Variants in TRPS1 observed in about 807,000 individuals in gnomAD.
TRPS1 encodes the protein zinc finger transcription factor Trps1.
A neutral mutation model predicts 101.2 loss-of-function variants in TRPS1; 6 were observed. That is an observed-to-expected ratio of 0.06 (90% CI 0.03 to 0.12). TRPS1 has a LOEUF of 0.12. Ranked by LOEUF, TRPS1 falls within the 10% of genes least tolerant of loss-of-function variation. The pLI is 1.00. For synonymous variants in TRPS1, 578 were observed against 589.8 expected (o/e 0.98, Z 0.29); for missense variants, 1,363 against 1,567.0 (o/e 0.87, Z 2.20).
In TRPS1 at chr8:115,615,358, T is replaced by C. The variant is rs932767532; in HGVS notation, c.966+3774A>G. Among the ~76,000 whole-genome samples, 4 of 152,314 alleles carry C rather than the reference T, an allele frequency of 2.6e-5. 1 individual carries two copies. The East Asian group carries it at 7.7e-4, about 29-fold the overall frequency. ...AGGGCTAAAAGCTCCCCAATAAAGA[T>C]GATGCAAACACCCAATGCACAGCGC... On this transcript the variant is annotated intron_variant, in intron 3 of 6. Transcript: ENST00000395715.
intron 5 of TRPS1, among the ~76,000 whole-genome samples, chr8:115,522,883 T>TTTG (rs1206011545): frequency 6.6e-6 from 1 of 152,098 alleles, no homozygotes; most frequent in African/African-American, 2.4e-5. Context: ...CTTTGAGTTT[T>TTTG]TTGTTGTTGT....
At chr8:115,626,857 G>A (rs1818519697) in intron 1 of TRPS1, among the ~76,000 whole-genome samples, 1 of 151,572 alleles carries the variant, frequency 6.6e-6, no homozygotes, top group Non-Finnish European at 1.5e-5. Context: ...ATTTCATCTT[G>A]CTATGTTCTC....
chr8:115,566,825 A>T (rs1194184708), intron 5 of TRPS1, among the ~76,000 whole-genome samples: 1 of 152,124 alleles, frequency 6.6e-6, no homozygotes, highest in African/African-American at 2.4e-5. Flanking sequence ...AAAATGGTTT[A>T]GTGCCTATAA....
chr8:115,510,448 T>G (rs1256652817), intron 5 of TRPS1, among the ~76,000 whole-genome samples: 1 of 151,938 alleles, frequency 6.6e-6, no homozygotes, highest in Non-Finnish European at 1.5e-5. Flanking sequence ...CCAAAAACTA[T>G]TAATCTGTTC....
intron 5 of TRPS1, among the ~76,000 whole-genome samples, chr8:115,476,660 C>A (rs1390427698): frequency 6.6e-6 from 1 of 152,154 alleles, no homozygotes; most frequent in African/African-American, 2.4e-5. Context: ...TTGGTTTCTG[C>A]CTAACCAGCA....
chr8:115,494,112 C>T (rs1815093679), intron 5 of TRPS1, among the ~76,000 whole-genome samples: 1 of 152,180 alleles, frequency 6.6e-6, no homozygotes, highest in Admixed American at 6.5e-5. Context: ...GCAACAGTAG[C>T]TAATTCTTCT....
rs1028789329 is a variant in TRPS1, at chr8:115,489,072, A to T, written c.2701-70620T>A. 2.6e-5 allele frequency among the ~76,000 whole-genome samples: 4 copies of T among 152,250 alleles called. 1 individual carries two copies. Among genetic ancestry groups the T allele is most frequent in the African/African-American group, 9.6e-5 (4 of 41,550 alleles). On this transcript the variant is annotated intron_variant, in intron 5 of 6. Coordinates refer to ENST00000395715, the MANE Select transcript of TRPS1 (RefSeq NM_014112.5). ...TGTCTACTGAAAAATAATCTATATG[A>T]CTTAATTTGGCCTTCTCATCCTCCA...
At chr8:115,600,407 TACAG>T (rs1395643545) in intron 4 of TRPS1, among the ~76,000 whole-genome samples, 1 of 152,210 alleles carries the variant, frequency 6.6e-6, no homozygotes, top group Non-Finnish European at 1.5e-5. Flanking sequence ...AGTACTTTTC[TACAG>T]ACAAATTTGT....
At chr8:115,623,901 C>A (rs1818450874) in intron 1 of TRPS1, 143 bp from the exon 2 acceptor site, 2 of 646,666 alleles carry the variant, frequency 3.1e-6, no homozygotes, top group South Asian at 6.1e-5. Flanking sequence ...GAGCAAGATC[C>A]TCTCCCTCCC....
chr8:115,423,925 AT>A (rs1813128845), intron 5 of TRPS1, among the ~76,000 whole-genome samples: 1 of 152,170 alleles, frequency 6.6e-6, no homozygotes, highest in Admixed American at 6.5e-5. Context: ...AAATCTCCAA[AT>A]TTTGAAAAGG....
intron 5 of TRPS1, among the ~76,000 whole-genome samples, chr8:115,479,935 C>T (rs1465016627): frequency 6.6e-6 from 1 of 152,058 alleles, no homozygotes; most frequent in Non-Finnish European, 1.5e-5. Context: ...TTCACAATTC[C>T]CAGGTAGTAA....
chr8:115,583,681 T>G (rs1246615334), intron 5 of TRPS1, among the ~76,000 whole-genome samples: 1 of 152,008 alleles, frequency 6.6e-6, no homozygotes, highest in Non-Finnish European at 1.5e-5. Context: ...AAGCCTAGTT[T>G]TCCTAGAGCA....
chr8:115,613,001 G>GA (rs879415277), intron 3 of TRPS1, among the ~76,000 whole-genome samples: 9 of 151,584 alleles, frequency 5.9e-5, no homozygotes, highest in African/African-American at 1.7e-4. Context: ...AATCTGCATG[G>GA]AAAAAAAACA....
intron 1 of TRPS1, among the ~76,000 whole-genome samples, chr8:115,657,380 G>T (rs554729282): frequency 7.2e-5 from 11 of 152,012 alleles, no homozygotes; most frequent in African/African-American, 2.7e-4. Context: ...TTACTCCCTC[G>T]ACTTGATGGA....
chr8:115,584,949 TA>T (rs1817532024), intron 5 of TRPS1, among the ~76,000 whole-genome samples: 1 of 152,188 alleles, frequency 6.6e-6, no homozygotes, highest in Non-Finnish European at 1.5e-5. Flanking sequence ...TTAAAAGATT[TA>T]AATTTTATTG....
At chr8:115,638,200 G>T (rs1407768813) in intron 1 of TRPS1, among the ~76,000 whole-genome samples, 1 of 152,096 alleles carries the variant, frequency 6.6e-6, no homozygotes, top group Non-Finnish European at 1.5e-5. Flanking sequence ...AGGTGCTAAA[G>T]GTTAATCTAA....
At chr8:115,570,109 T>G (rs1186232361) in intron 5 of TRPS1, among the ~76,000 whole-genome samples, 2 of 151,998 alleles carry the variant, frequency 1.3e-5, no homozygotes, top group African/African-American at 2.4e-5. Context: ...TAGATATATA[T>G]GTAGATATAG....
At chr8:115,636,067 T>C (rs1311451630) in intron 1 of TRPS1, among the ~76,000 whole-genome samples, 1 of 146,444 alleles carries the variant, frequency 6.8e-6, no homozygotes, top group Non-Finnish European at 1.5e-5. Flanking sequence ...ATTTTTTCAT[T>C]TTCTGATAAG....
At chr8:115,570,132 T>C (rs969287531) in intron 5 of TRPS1, among the ~76,000 whole-genome samples, 1 of 152,022 alleles carries the variant, frequency 6.6e-6, no homozygotes. Flanking sequence ...ACATGCCAAG[T>C]GTTAAAATGT....
Sources: gnomAD v4.1 joint callset for allele counts (sites outside exome capture counted in the v4.1 genomes callset) on GRCh38, gnomAD v4.1.1 for gene constraint, MANE v1.5 for transcripts, NCBI Gene and HGNC (gene_info 2026-07-23, HGNC 2026-07-21) for gene names.